VPS41: variants seen among roughly 807,000 people sequenced by gnomAD.
VPS41 encodes vacuolar protein sorting-associated protein 41 homolog.
VPS41 carries 85 observed loss-of-function variants against 130.9 expected under a neutral mutation model. That is an observed-to-expected ratio of 0.65 (90% CI 0.55 to 0.78). The LOEUF is 0.78. Ranked by LOEUF, VPS41 falls within the 30% of genes least tolerant of loss-of-function variation. The probability of loss-of-function intolerance (pLI) is 0.00; values close to 1 mark genes in which losing one functional copy is unlikely to be tolerated. For missense variants in VPS41, 874 were observed against 1,018.7 expected (o/e 0.86, Z 1.93); for synonymous variants, 335 against 332.9 (o/e 1.01, Z -0.07).
intron 6 of VPS41, among the ~76,000 whole-genome samples, chr7:38,818,631 T>C (rs1269075964): frequency 2.0e-5 from 3 of 152,198 alleles, no homozygotes; most frequent in Admixed American, 2.0e-4. Flanking sequence ...CTCCACTCAG[T>C]GCACCTCCAT....
intron 16 of VPS41, 52 bp downstream of exon 16, chr7:38,765,528 T>C: frequency 8.3e-7 from 1 of 1,199,888 alleles, no homozygotes; most frequent in South Asian, 1.4e-5. Flanking sequence ...TCCACTGCAA[T>C]ATTAATATAC....
chr7:38,758,531 AGTT>A, intron 17 of VPS41, 50 bp from the exon 18 acceptor site: 1 of 1,566,060 alleles, frequency 6.4e-7, no homozygotes, highest in Non-Finnish European at 8.7e-7. Context: ...ACAGAATAAT[AGTT>A]GTGATATTGT....
At chr7:38,837,803 A>C (rs1198872941) in intron 4 of VPS41, among the ~76,000 whole-genome samples, 2 of 152,234 alleles carry the variant, frequency 1.3e-5, no homozygotes, top group African/African-American at 4.8e-5. Flanking sequence ...CATTGGTTAT[A>C]TCTGAGTGCT....
intron 1 of VPS41, among the ~76,000 whole-genome samples, chr7:38,906,772 A>G (rs1041117635): frequency 6.6e-6 from 1 of 152,204 alleles, no homozygotes; most frequent in East Asian, 1.9e-4. Context: ...GGCTAATTCT[A>G]CTTCATAAAG....
chr7:38,906,859 T>C (rs770767183), intron 1 of VPS41, among the ~76,000 whole-genome samples: 4 of 152,206 alleles, frequency 2.6e-5, no homozygotes, highest in Non-Finnish European at 4.4e-5. Flanking sequence ...TCATGAGCTA[T>C]GGAGACAGAG....
At chr7:38,882,819 G>T (rs1366606405) in intron 2 of VPS41, among the ~76,000 whole-genome samples, 1 of 152,148 alleles carries the variant, frequency 6.6e-6, no homozygotes, top group African/African-American at 2.4e-5. Flanking sequence ...CTCTAGCCCA[G>T]AGTTTTAACA....
intron 22 of VPS41, among the ~76,000 whole-genome samples, chr7:38,746,989 C>T (rs2286098): frequency 9.2e-5 from 14 of 152,056 alleles, no homozygotes; most frequent in African/African-American, 2.7e-4. Context: ...AACACTTCCA[C>T]GTGACAGAAA....
chr7:38,754,017 A>G (rs1381044731), intron 21 of VPS41, among the ~76,000 whole-genome samples: 2 of 152,212 alleles, frequency 1.3e-5, no homozygotes, highest in African/African-American at 4.8e-5. Flanking sequence ...TTTCTCTTGT[A>G]TAACTTTTAA....
intron 19 of VPS41, among the ~76,000 whole-genome samples, chr7:38,756,120 T>G (rs931908788): frequency 1.3e-5 from 2 of 152,162 alleles, no homozygotes; most frequent in African/African-American, 4.8e-5. Flanking sequence ...GGTTCTACTT[T>G]TAGGTTTATC....
At chr7:38,769,111 G>C (rs1179674283) in intron 14 of VPS41, among the ~76,000 whole-genome samples, 1 of 152,076 alleles carries the variant, frequency 6.6e-6, no homozygotes, top group Non-Finnish European at 1.5e-5. Context: ...GTGTACAACT[G>C]ACCAGCTGAC....
Position 38,741,995 on chromosome 7 carries a change from T to C in VPS41, c.2249A>G (p.Tyr750Cys). 1.9e-6 allele frequency: 3 copies of C among 1,613,194 alleles called. No individual in the cohort carries two copies. Among genetic ancestry groups the C allele is most frequent in the Non-Finnish European group, 2.5e-6 (3 of 1,179,602 alleles). The change falls in exon 25 of 29, where the codon TAC becomes TGC. Residue 750 changes from tyrosine (Y) to cysteine (C), a missense_variant. Coordinates refer to ENST00000310301, the MANE Select transcript of VPS41 (RefSeq NM_014396.4). ...AGAAAGGATACTTACTTGCAAATTG[T>C]AGTCTTGCAGAATTTTAACCAAGGA... ...RDSLVKILQD[Y>C]NLQILLREGC...
rs751571855 is a variant in VPS41 at position 38,743,557 on chromosome 7, G to A, written c.1982-15C>T. 2 of 1,611,698 alleles carry A rather than the reference G, an allele frequency of 1.2e-6. No individual in the cohort carries two copies. Among genetic ancestry groups the A allele is most frequent in the African/African-American group, 1.3e-5 (1 of 74,846 alleles). ...ACCCATTCGGCCTTGGTGGGGTGAA[G>A]ATGGGAGAAAGAGTTCATTTAAGGT... is the stretch of plus-strand genomic sequence containing the variant. On this transcript the variant is annotated splice_polypyrimidine_tract_variant and intron_variant, in intron 23 of 28. Transcript: ENST00000310301.
intron 2 of VPS41, among the ~76,000 whole-genome samples, chr7:38,894,493 T>C (rs1031210443): frequency 5.3e-5 from 8 of 152,150 alleles, no homozygotes; most frequent in African/African-American, 1.7e-4. Flanking sequence ...AGCCCTCAGG[T>C]TGAAGCACCA....
chr7:38,877,046 T>G (rs1210572313), intron 2 of VPS41, among the ~76,000 whole-genome samples: 4 of 152,194 alleles, frequency 2.6e-5, no homozygotes, highest in Non-Finnish European at 4.4e-5. Context: ...AAAGCCAACA[T>G]AACCCTCTTT....
At chr7:38,807,447 G>T (rs1784862317) in intron 7 of VPS41, among the ~76,000 whole-genome samples, 1 of 152,054 alleles carries the variant, frequency 6.6e-6, no homozygotes, top group South Asian at 2.1e-4. Context: ...ACAAATAAAG[G>T]ACTGTAAATT....
rs530158082 is a variant in VPS41, at chr7:38,772,341, T to C, written c.1128+181A>G. ...CTTAACAGGAAAGCCAGTCAATCCATTGCAATCTTTTGGTTCCCTAATTTC... is the reference window on the plus strand; with the variant it reads ...CTTAACAGGAAAGCCAGTCAATCCACTGCAATCTTTTGGTTCCCTAATTTC... On this transcript the variant is annotated intron_variant, in intron 13 of 28. Coordinates refer to ENST00000310301, the MANE Select transcript of VPS41 (RefSeq NM_014396.4). Among the ~76,000 whole-genome samples, 5 of 152,306 alleles carry C rather than the reference T, an allele frequency of 3.3e-5. No individual in the cohort carries two copies. In the South Asian group the frequency reaches 8.3e-4, roughly 25 times the overall value.
At chr7:38,851,256 A>T (rs746611160) in intron 4 of VPS41, among the ~76,000 whole-genome samples, 2 of 152,166 alleles carry the variant, frequency 1.3e-5, no homozygotes, top group Non-Finnish European at 2.9e-5. Context: ...TAATATATTA[A>T]TTTTTTTCCA....
chr7:38,820,360 C>T (rs2116116281), intron 6 of VPS41, among the ~76,000 whole-genome samples: 1 of 152,302 alleles, frequency 6.6e-6, no homozygotes, highest in Middle Eastern at 3.4e-3. Context: ...CCCTATCTCT[C>T]CTTTACCTGC....
intron 4 of VPS41, among the ~76,000 whole-genome samples, chr7:38,843,226 A>G (rs1785648078): frequency 6.6e-6 from 1 of 152,218 alleles, no homozygotes; most frequent in South Asian, 2.1e-4. Flanking sequence ...AAGGTTTTCA[A>G]TACTCAACTG....
Sources: gnomAD v4.1 joint callset for allele counts (sites outside exome capture counted in the v4.1 genomes callset) on GRCh38, gnomAD v4.1.1 for gene constraint, MANE v1.5 for transcripts, NCBI Gene and HGNC (gene_info 2026-07-23, HGNC 2026-07-21) for gene names.